ATG4C: variants seen among roughly 807,000 people sequenced by gnomAD.
The protein encoded by ATG4C is cysteine protease ATG4C.
In ATG4C, 56 loss-of-function variants were observed where a neutral mutation model predicts 57.6. The observed-to-expected ratio is 0.97, with a 90% CI of 0.78 to 1.21. The LOEUF (loss-of-function observed/expected upper bound fraction) is 1.21, where lower values mean the gene tolerates loss of function less well. Ranked by LOEUF, ATG4C falls within the 50% of genes most tolerant of loss-of-function variation. ATG4C has a pLI of 0.00. For synonymous variants in ATG4C, 157 were observed against 174.1 expected (o/e 0.90, Z 0.78); for missense variants, 595 against 529.8 (o/e 1.12, Z -1.21).
At chr1:62,821,410 ATAAAT>A (rs1665478308) in intron 6 of ATG4C, among the ~76,000 whole-genome samples, 1 of 152,134 alleles carries the variant, frequency 6.6e-6, no homozygotes, top group Non-Finnish European at 1.5e-5. Flanking sequence ...CGATATTAAA[ATAAAT>A]TCTCAAAGAA....
At chr1:62,797,488 C>G (rs897421980) in intron 1 of ATG4C, among the ~76,000 whole-genome samples, 1 of 152,020 alleles carries the variant, frequency 6.6e-6, no homozygotes, top group Non-Finnish European at 1.5e-5. Context: ...TCAGGATTGG[C>G]AGTTTGATCT....
intron 2 of ATG4C, among the ~76,000 whole-genome samples, chr1:62,804,754 A>G (rs1664802451): frequency 6.6e-6 from 1 of 152,250 alleles, no homozygotes; most frequent in Non-Finnish European, 1.5e-5. Flanking sequence ...AAAAAAGCTC[A>G]TATTCATAAA....
intron 10 of ATG4C, among the ~76,000 whole-genome samples, chr1:62,854,617 C>T (rs1457724949): frequency 1.3e-5 from 2 of 152,052 alleles, no homozygotes; most frequent in Non-Finnish European, 2.9e-5. Context: ...TATATGCTTT[C>T]CCCCAAATGA....
At chr1:62,807,877 G>A (rs772949640) in intron 3 of ATG4C, among the ~76,000 whole-genome samples, 8 of 152,190 alleles carry the variant, frequency 5.3e-5, no homozygotes, top group Non-Finnish European at 1.0e-4. Context: ...GGGTAATCTG[G>A]AACCTACTTT....
At chr1:62,794,869 A>T (rs1664408673) in intron 1 of ATG4C, among the ~76,000 whole-genome samples, 1 of 152,136 alleles carries the variant, frequency 6.6e-6, no homozygotes, top group East Asian at 1.9e-4. Context: ...AGAAGCAGAG[A>T]TGATAGCCCA....
intron 10 of ATG4C, among the ~76,000 whole-genome samples, chr1:62,850,854 GTATATATATATA>G (rs1161449502): frequency 0.024 from 1,985 of 84,146 alleles, 108 homozygotes; most frequent in African/African-American, 0.048. Flanking sequence ...GTGTATGTAT[GTATATATATATA>G]TATATATATA....
chr1:62,853,580 G>C (rs1243283825), intron 10 of ATG4C, among the ~76,000 whole-genome samples: 1 of 152,042 alleles, frequency 6.6e-6, no homozygotes, highest in African/African-American at 2.4e-5. Flanking sequence ...CTGACTAGCT[G>C]GGACCACAGG....
intron 10 of ATG4C, among the ~76,000 whole-genome samples, chr1:62,855,930 C>CTAA (rs1392137559): frequency 6.6e-6 from 1 of 152,198 alleles, no homozygotes; most frequent in Non-Finnish European, 1.5e-5. Context: ...TTATAGTGAG[C>CTAA]TAATGACTTT....
In ATG4C at chr1:62,829,158, C is replaced by T. The variant is rs1266544272; in HGVS notation, c.915C>T (p.Asp305=). ...TTGGTGGAGAAAGAACCAACACCGA[C>T]TACTTAGAATTTGTGAAGGTATGAA... The part of the protein sequence containing the change: ...VRLGGERTNT[D]YLEFVKGILS... Residue 305 remains aspartate, a synonymous_variant, in exon 7 of 11, where the codon GAC becomes GAT. Transcript: ENST00000317868. 6.2e-7 allele frequency: 1 copy of T among 1,612,792 alleles called. No individual in the cohort carries two copies. The highest frequency in any genetic ancestry group is 1.1e-5 in the South Asian group (1 of 90,900).
At chr1:62,797,176 G>T (rs930193854) in intron 1 of ATG4C, among the ~76,000 whole-genome samples, 1 of 152,136 alleles carries the variant, frequency 6.6e-6, no homozygotes, top group African/African-American at 2.4e-5. Context: ...ATATGTACAT[G>T]TGTGGGCATA....
At position 62,834,078 on chromosome 1, in the gene ATG4C, G is replaced by A; in HGVS notation, c.974G>A (p.Gly325Asp). 6.2e-7 allele frequency: 1 copy of A among 1,612,684 alleles called. No homozygotes were observed. Among genetic ancestry groups the A allele is most frequent in the Non-Finnish European group, 8.5e-7 (1 of 1,179,234 alleles). ...GAATATTGTGTGGGTATTATTGGTG[G>A]CAAACCTAAACAGTCATATTACTTT... is the stretch of plus-strand genomic sequence containing the variant. ...SLEYCVGIIG[G>D]KPKQSYYFAG... The change falls in exon 8 of 11, where the codon GGC becomes GAC. Residue 325 changes from glycine (G) to aspartate (D), a missense_variant. Physicochemically the swap from Gly to Asp is moderately conservative, Grantham distance 94. Coordinates refer to ENST00000317868, the MANE Select transcript of ATG4C (RefSeq NM_032852.4).
chr1:62,794,772 G>A (rs1167426702), intron 1 of ATG4C, among the ~76,000 whole-genome samples: 1 of 152,148 alleles, frequency 6.6e-6, no homozygotes, highest in East Asian at 1.9e-4. Flanking sequence ...GAAGATAGAA[G>A]ATTGGCAGGT....
chr1:62,816,748 A>G lies in ATG4C; in HGVS notation c.334A>G (p.Thr112Ala). The stretch of plus-strand genomic sequence containing the variant: ...GACAACAGACTGTGGGTGGGGCTGC[A>G]CATTGAGAACTGGCCAGATGCTCTT... ...ALTTDCGWGCTLRTGQMLLAQ... is the reference protein window; with the variant it reads ...ALTTDCGWGCALRTGQMLLAQ... The change falls in exon 4 of 11, where the codon ACA (threonine) becomes GCA (alanine). Residue 112 changes from threonine to alanine, a missense_variant. By Grantham distance (58) the Thr-to-Ala change is moderately conservative. Coordinates refer to ENST00000317868, the MANE Select transcript of ATG4C (RefSeq NM_032852.4). 6.2e-7 allele frequency: 1 copy of G among 1,613,508 alleles called. No individual in the cohort carries two copies. Among genetic ancestry groups the G allele is most frequent in the Non-Finnish European group, 8.5e-7 (1 of 1,179,674 alleles).
intron 6 of ATG4C, among the ~76,000 whole-genome samples, chr1:62,824,841 A>G (rs961433794): frequency 5.3e-5 from 8 of 151,732 alleles, no homozygotes; most frequent in African/African-American, 1.7e-4. Flanking sequence ...CTAATTTTGA[A>G]ATTTTTTATA....
intron 3 of ATG4C, among the ~76,000 whole-genome samples, chr1:62,813,973 G>A (rs1186784590): frequency 6.6e-6 from 1 of 152,152 alleles, no homozygotes; most frequent in African/African-American, 2.4e-5. Context: ...TGGAGAAATA[G>A]GAACGTTTTT....
At chr1:62,855,856 A>G (rs1251891800) in intron 10 of ATG4C, among the ~76,000 whole-genome samples, 3 of 152,238 alleles carry the variant, frequency 2.0e-5, no homozygotes, top group East Asian at 1.9e-4. Context: ...ACTATGCTGT[A>G]TAGTCTCCTA....
intron 2 of ATG4C, 134 bp downstream of exon 2, chr1:62,803,996 G>C: frequency 1.9e-6 from 1 of 539,842 alleles, no homozygotes; most frequent in Non-Finnish European, 3.2e-6. Context: ...ATTTCTATAA[G>C]GAATGTAGTT....
intron 5 of ATG4C, among the ~76,000 whole-genome samples, chr1:62,820,014 T>C (rs1412467230): frequency 1.3e-5 from 2 of 152,110 alleles, no homozygotes; most frequent in Non-Finnish European, 2.9e-5. Context: ...TGTTGTGATT[T>C]AAATTTACTC....
intron 10 of ATG4C, among the ~76,000 whole-genome samples, chr1:62,862,399 A>G (rs1258966920): frequency 7.2e-5 from 11 of 152,086 alleles, no homozygotes; most frequent in Non-Finnish European, 2.9e-5. Context: ...TCTGAAAATG[A>G]TATGTGGATA....
Sources: allele counts gnomAD v4.1 joint callset (sites outside exome capture counted in the v4.1 genomes callset), GRCh38; gene constraint gnomAD v4.1.1; transcripts MANE v1.5; gene names NCBI Gene and HGNC (gene_info 2026-07-23, HGNC 2026-07-21).